XPO5: variants seen among roughly 807,000 people sequenced by gnomAD.
The protein encoded by XPO5 is exportin-5.
Under a neutral mutation model 160.6 loss-of-function variants are expected in XPO5, and 46 were observed. The observed-to-expected ratio is 0.29, with a 90% CI of 0.23 to 0.37. The LOEUF (loss-of-function observed/expected upper bound fraction) is 0.37, where lower values mean the gene tolerates loss of function less well. XPO5 is among the 10% of genes least tolerant of loss of function. The pLI, the probability that XPO5 is intolerant of heterozygous loss-of-function variation, is 1.00. For synonymous variants in XPO5, 537 were observed against 519.3 expected (o/e 1.03, Z -0.46); for missense variants, 1,090 against 1,463.9 (o/e 0.74, Z 4.17).
intron 20 of XPO5, among the ~76,000 whole-genome samples, chr6:43,540,634 C>G (rs1794643349): frequency 6.6e-6 from 1 of 152,112 alleles, no homozygotes; most frequent in Non-Finnish European, 1.5e-5. Flanking sequence ...GCCTGGGCAA[C>G]AAGAGTGACA....
intron 23 of XPO5, 125 bp downstream of exon 23, chr6:43,530,563 C>G (rs990717056): frequency 8.5e-6 from 10 of 1,175,690 alleles, no homozygotes; most frequent in African/African-American, 3.1e-5. Context: ...ACATGATACA[C>G]TTAGATACAT....
In XPO5 at chr6:43,523,645, T is replaced by C. The variant is rs550613202; in HGVS notation, c.*223A>G. On this transcript the variant is annotated 3_prime_UTR_variant, in exon 32 of 32. Transcript: ENST00000265351. ...AGTAGAATGGGAACTATCTGGGACA[T>C]CTAGACAGAATAGTTTAAGCCCTAA... is the stretch of plus-strand genomic sequence containing the variant. The C allele has an allele frequency of 2.5e-6, 2 of 806,170 alleles. No individual in the cohort carries two copies. Among genetic ancestry groups the C allele is most frequent in the South Asian group, 1.3e-5 (1 of 74,618 alleles). 49.9% of individuals were successfully genotyped at this position (806,170 alleles called of 1,614,324 possible).
Position 43,526,412 on chromosome 6 carries a change from C to T in XPO5, c.2983+273G>A, listed in dbSNP as rs75568525. On this transcript the variant is annotated intron_variant, in intron 27 of 31. Transcript: ENST00000265351. Reference sequence around the variant, plus strand: ...CCATTTTTGATAGGTTGGTCATGGACGATCTCTGGGAAGAGGTGACATTGG... The same window carrying T: ...CCATTTTTGATAGGTTGGTCATGGATGATCTCTGGGAAGAGGTGACATTGG... 0.044 allele frequency: 21,479 copies of T among 488,512 alleles called. 702 individuals carry two copies. Among genetic ancestry groups the T allele is most frequent in the African/African-American group, 0.11 (5,610 of 51,860 alleles). The allele number at this position is 488,512 out of a possible 1,614,324, so 30.3% of individuals were successfully genotyped here. A position where few individuals can be genotyped will look rare whatever the true frequency, so the allele number is the denominator to read the frequency against.
chr6:43,539,446 C>T, intron 20 of XPO5: 19 of 1,570,530 alleles, frequency 1.2e-5, no homozygotes, highest in Non-Finnish European at 1.6e-5. Flanking sequence ...CCTTAATGGG[C>T]AGGGAGAAGA....
In XPO5 at chr6:43,533,972, G is replaced by T; in HGVS notation, c.2378C>A (p.Ala793Asp). ...HNTLYAPEMLAKMAEPFTKAL... is the reference protein window; with the variant it reads ...HNTLYAPEMLDKMAEPFTKAL... Reference sequence around the variant, plus strand: ...CTTGGTGAAAGGCTCTGCCATTTTGGCTAGCATTTCTGGTGCATATAATGT... The same window carrying T: ...CTTGGTGAAAGGCTCTGCCATTTTGTCTAGCATTTCTGGTGCATATAATGT... The change falls in exon 21 of 32, where the codon GCC (alanine) becomes GAC (aspartate). Residue 793 changes from alanine (A) to aspartate (D), a missense_variant. This residue lies in a region of XPO5 where 810 missense variants were observed against 1,139.0 expected (regional missense o/e 0.71). Coordinates refer to ENST00000265351, the MANE Select transcript of XPO5 (RefSeq NM_020750.3). 1 of 1,606,100 alleles carries T rather than the reference G, an allele frequency of 6.2e-7. No homozygotes were observed. Among genetic ancestry groups the T allele is most frequent in the East Asian group, 2.2e-5 (1 of 44,500 alleles).
At chr6:43,558,261 G>C (rs1040253501) in intron 12 of XPO5, among the ~76,000 whole-genome samples, 3 of 152,092 alleles carry the variant, frequency 2.0e-5, no homozygotes, top group Admixed American at 6.6e-5. Context: ...TCTTAAGTAT[G>C]GTTACCATCC....
chr6:43,553,580 C>A, intron 13 of XPO5, 77 bp from the exon 14 acceptor site: 1 of 1,500,096 alleles, frequency 6.7e-7, no homozygotes, highest in Non-Finnish European at 8.9e-7. Context: ...GCAGAAGACA[C>A]AGAGAGACAA....
chr6:43,525,552 G>A (rs1334707093), intron 28 of XPO5: 5 of 524,800 alleles, frequency 9.5e-6, no homozygotes, highest in Admixed American at 3.5e-5. Flanking sequence ...ACCTGTATGT[G>A]TAGGATGGAG....
At chr6:43,562,143 C>CA (rs1762450328) in intron 9 of XPO5, 104 bp downstream of exon 9, 1 of 803,124 alleles carries the variant, frequency 1.2e-6, no homozygotes, top group African/African-American at 1.7e-5. Context: ...ACTGCCCCAT[C>CA]AGGCTAAAAT....
chr6:43,545,946 A>G, intron 20 of XPO5, among the ~76,000 whole-genome samples: 1 of 152,156 alleles, frequency 6.6e-6, no homozygotes, highest in Non-Finnish European at 1.5e-5. Context: ...ACCACTGGGC[A>G]TCTAGTTAAA....
At chr6:43,553,540 C>T (rs914688263) in intron 13 of XPO5, 37 bp from the exon 14 acceptor site, 14 of 1,538,408 alleles carry the variant, frequency 9.1e-6, no homozygotes, top group East Asian at 4.9e-5. Flanking sequence ...CACACACACA[C>T]ACACACACAA....
chr6:43,531,660 T>G, intron 21 of XPO5, 85 bp from the exon 22 acceptor site: 1 of 1,190,468 alleles, frequency 8.4e-7, no homozygotes, highest in Non-Finnish European at 1.3e-6. Flanking sequence ...AAGCTGTTGT[T>G]CAGGGGTGAA....
intron 3 of XPO5, among the ~76,000 whole-genome samples, chr6:43,571,434 T>C (rs138068101): frequency 2.6e-5 from 4 of 152,128 alleles, no homozygotes; most frequent in South Asian, 2.1e-4. Context: ...ATCTCTCATG[T>C]CTGTTATTTA....
chr6:43,546,596 G>C lies in XPO5; in HGVS notation c.2317C>G (p.Leu773Val). ...CTTATAAGCGCAAGCAAATTGTCAA[G>C]AAGTTTCAGAATCTGCTCTGTGCAG... Reference protein sequence around the residue: ...NPCTEQILKLLDNLLALIRTH... With the variant: ...NPCTEQILKLVDNLLALIRTH... Residue 773 changes from leucine (L) to valine (V), a missense_variant, in exon 20 of 32, where the codon CTT (leucine) becomes GTT (valine). Leu to Val is a conservative substitution (Grantham distance 32). This residue lies in a region of XPO5 where 810 missense variants were observed against 1,139.0 expected (regional missense o/e 0.71). Coordinates refer to ENST00000265351, the MANE Select transcript of XPO5 (RefSeq NM_020750.3). The C allele has an allele frequency of 1.2e-6, 2 of 1,611,152 alleles. No homozygotes were observed. The highest frequency in any genetic ancestry group is 1.7e-6 in the Non-Finnish European group (2 of 1,179,146).
chr6:43,562,068 G>A, intron 9 of XPO5, 179 bp downstream of exon 9: 1 of 454,340 alleles, frequency 2.2e-6, no homozygotes, highest in Non-Finnish European at 3.9e-6. Flanking sequence ...AAGAAATTTA[G>A]ATCACTCAAA....
At chr6:43,525,297 GT>G (rs369932860) in intron 28 of XPO5, 83 bp from the exon 29 acceptor site, 36,305 of 1,015,098 alleles carry the variant, frequency 0.036, 2 homozygotes, top group East Asian at 0.055. Flanking sequence ...GAGCCGGAGG[GT>G]TTTTTTTTTT....
intron 20 of XPO5, chr6:43,539,772 A>T: frequency 1.7e-6 from 1 of 587,198 alleles, no homozygotes; most frequent in Non-Finnish European, 3.0e-6. Flanking sequence ...GAGATAAATT[A>T]TCTGTTCCTT....
rs142018378 is a variant in XPO5, at chr6:43,556,998, C to T, written c.1313-1034G>A. Among the ~76,000 whole-genome samples the T allele has an allele frequency of 4.5e-4, 68 of 152,130 alleles. No individual in the cohort carries two copies. The East Asian group carries it at 0.012, about 26-fold the overall frequency. ...AAACAATTAGCTGGGCATGGTGGTG[C>T]ATGCCTATAATCCCAGTTACTTGGG... On this transcript the variant is annotated intron_variant, in intron 12 of 31. Coordinates refer to ENST00000265351, the MANE Select transcript of XPO5 (RefSeq NM_020750.3).
At chr6:43,528,792 G>A in intron 24 of XPO5, 36 bp downstream of exon 24, 1 of 1,591,938 alleles carries the variant, frequency 6.3e-7, no homozygotes, top group Non-Finnish European at 8.6e-7. Context: ...GGCCTTAATA[G>A]TACTCTTTGC....
Sources: gnomAD v4.1 joint callset for allele counts (sites outside exome capture counted in the v4.1 genomes callset) on GRCh38, gnomAD v4.1.1 for gene constraint, gnomAD v4.1.1 regional missense constraint, MANE v1.5 for transcripts, NCBI Gene and HGNC (gene_info 2026-07-23, HGNC 2026-07-21) for gene names.